ZNF43: variants seen among roughly 807,000 people sequenced by gnomAD.
ZNF43 encodes the protein zinc finger protein 39-like 1 (KOX 27).
In ZNF43, 44 loss-of-function variants were observed where a neutral mutation model predicts 68.4. The observed-to-expected ratio is 0.64, with a 90% confidence interval of 0.51 to 0.83. The LOEUF (loss-of-function observed/expected upper bound fraction) is 0.83, where lower values mean the gene tolerates loss of function less well. Among genes scored for constraint, ZNF43 ranks in the 40% least tolerant of loss-of-function variants. The pLI is 0.00. For synonymous variants in ZNF43, 308 were observed against 307.8 expected, an observed-to-expected ratio of 1.00 and a Z score of -0.01; for missense variants, 896 against 933.2, an observed-to-expected ratio of 0.96 and a Z score of 0.52.
Position 21,819,140 on chromosome 19 carries a change from A to G in ZNF43, c.85T>C (p.Tyr29His). The G allele has an allele frequency of 6.2e-7, 1 of 1,611,820 alleles. No homozygotes were observed. Among genetic ancestry groups the G allele is most frequent in the South Asian group, 1.1e-5 (1 of 90,654 alleles). Reference sequence around the variant, plus strand: ...TAGTTCTCTAACATCACATTCCTATATAAATTCTGCTGTGCAATGTCCAGG... The same window carrying G: ...TAGTTCTCTAACATCACATTCCTATGTAAATTCTGCTGTGCAATGTCCAGG... ...QCLDIAQQNL[Y>H]RNVMLENYRN... Residue 29 changes from tyrosine to histidine, a missense_variant, in exon 2 of 4, where the codon TAT becomes CAT. Tyr to His is a moderately conservative substitution (Grantham distance 83). Coordinates refer to ENST00000354959, the MANE Select transcript of ZNF43 (RefSeq NM_003423.4).
intron 1 of ZNF43, chr19:21,851,490 A>G (rs1968351906): frequency 6.6e-6 from 1 of 151,102 alleles, no homozygotes; most frequent in African/African-American, 2.5e-5. Context: ...CAGTGAGCCG[A>G]GATCGCGCCA....
chr19:21,826,283 C>A (rs557852911), intron 1 of ZNF43, among the ~76,000 whole-genome samples: 8 of 151,678 alleles, frequency 5.3e-5, no homozygotes, highest in Non-Finnish European at 1.0e-4. Flanking sequence ...TTAGTTGGCA[C>A]CTTATGTGTT....
At chr19:21,835,263 A>G (rs1020534067) in intron 1 of ZNF43, among the ~76,000 whole-genome samples, 4 of 150,518 alleles carry the variant, frequency 2.7e-5, no homozygotes, top group South Asian at 2.1e-4. Context: ...AAAAAAAAAA[A>G]AAAGAAAAAA....
At chr19:21,844,082 G>T (rs1160329089) in intron 1 of ZNF43, among the ~76,000 whole-genome samples, 11 of 152,124 alleles carry the variant, frequency 7.2e-5, no homozygotes. Context: ...TCCACTCTGA[G>T]ATCTTTGTGA....
intron 1 of ZNF43, among the ~76,000 whole-genome samples, chr19:21,850,320 C>T (rs2136890): frequency 0.09 from 13,670 of 151,986 alleles, 876 homozygotes; most frequent in South Asian, 0.21. Flanking sequence ...CCCAGCACTT[C>T]GGGAGGCCGA....
At chr19:21,829,173 G>A (rs1264163630) in intron 1 of ZNF43, among the ~76,000 whole-genome samples, 3 of 150,674 alleles carry the variant, frequency 2.0e-5, no homozygotes, top group Admixed American at 1.3e-4. Flanking sequence ...ACAGTGAACC[G>A]AGATCGTGCC....
chr19:21,812,094 A>G (rs1486643850), intron 3 of ZNF43: 6 of 397,420 alleles, frequency 1.5e-5, no homozygotes, highest in African/African-American at 1.0e-4. Flanking sequence ...ATCACATGTG[A>G]TATTCCTTAA....
In ZNF43 at chr19:21,817,910, A is replaced by G. The variant is rs1467538474; in HGVS notation, c.207T>C (p.His69=). ...TACCTGGGGGTTTGGCTACCATTTCATGTCTCCTCATAGGCTCCCAAGGCT... is the reference window on the plus strand; with the variant it reads ...TACCTGGGGGTTTGGCTACCATTTCGTGTCTCCTCATAGGCTCCCAAGGCT... ...EKEPWEPMRR[H]EMVAKPPVMC... Residue 69 remains histidine, a synonymous_variant, in exon 3 of 4, where the codon CAT becomes CAC. Transcript: ENST00000354959. The G allele has an allele frequency of 2.5e-6, 4 of 1,612,990 alleles. No individual in the cohort carries two copies. The highest frequency in any genetic ancestry group is 1.1e-5 in the South Asian group (1 of 91,056).
intron 1 of ZNF43, among the ~76,000 whole-genome samples, chr19:21,828,811 A>T (rs1194675003): frequency 1.3e-5 from 2 of 151,156 alleles, no homozygotes; most frequent in Admixed American, 6.6e-5. Flanking sequence ...CAGCGAGCAG[A>T]TCACGAGGTC....
upstream of ZNF43, chr19:21,839,504 AGAG>A (rs1043403700): frequency 2.6e-5 from 4 of 152,182 alleles, no homozygotes; most frequent in Non-Finnish European, 5.9e-5. Flanking sequence ...CCCAGGAATA[AGAG>A]GAGTCACATC....
At chr19:21,846,752 C>T (rs1273470084) in intron 1 of ZNF43, among the ~76,000 whole-genome samples, 2 of 152,128 alleles carry the variant, frequency 1.3e-5, no homozygotes, top group Non-Finnish European at 1.5e-5. Context: ...AAGCAGAAAC[C>T]AGGTAAGACA....
intron 1 of ZNF43, among the ~76,000 whole-genome samples, chr19:21,829,832 C>CA (rs1401496913): frequency 2.6e-5 from 4 of 151,600 alleles, no homozygotes; most frequent in South Asian, 2.1e-4. Context: ...TCTCAAAAAA[C>CA]AAAAAAACAC....
chr19:21,807,810 A>C lies in ZNF43; in HGVS notation c.2227T>G (p.Phe743Val). 1 of 1,613,452 alleles carries C rather than the reference A, an allele frequency of 6.2e-7. No individual in the cohort carries two copies. The highest frequency in any genetic ancestry group is 8.5e-7 in the Non-Finnish European group (1 of 1,179,686). ...PYKCEECGKA[F>V]NYSSHLNTHK... is the part of the protein sequence containing the mutation. Reference sequence around the variant, plus strand: ...GTATTAAGGTGTGAGGAATAGTTAAATGCTTTGCCACATTCTTCACATTTG... The same window carrying C: ...GTATTAAGGTGTGAGGAATAGTTAACTGCTTTGCCACATTCTTCACATTTG... The change falls in exon 4 of 4, where the codon TTT (phenylalanine) becomes GTT (valine). Residue 743 changes from phenylalanine (F) to valine (V), a missense_variant. Coordinates refer to ENST00000354959, the MANE Select transcript of ZNF43 (RefSeq NM_003423.4).
chr19:21,810,660 G>A (rs2037229428), intron 3 of ZNF43, among the ~76,000 whole-genome samples: 1 of 152,108 alleles, frequency 6.6e-6, no homozygotes, highest in Non-Finnish European at 1.5e-5. Context: ...TTAAATTTAA[G>A]AATACCAGCT....
At chr19:21,817,755 A>G in intron 3 of ZNF43, 133 bp downstream of exon 3, 1 of 942,126 alleles carries the variant, frequency 1.1e-6, no homozygotes, top group East Asian at 2.6e-5. Flanking sequence ...AAGCAAAATG[A>G]AAAAACTCAG....
chr19:21,842,108 C>T (rs2145393474), intron 1 of ZNF43, among the ~76,000 whole-genome samples: 1 of 152,060 alleles, frequency 6.6e-6, no homozygotes, highest in East Asian at 2.0e-4. Flanking sequence ...GTGCTAGGCC[C>T]AGTGAAAAAT....
intron 1 of ZNF43, among the ~76,000 whole-genome samples, chr19:21,849,510 A>G (rs1227011979): frequency 6.8e-6 from 1 of 147,746 alleles, no homozygotes; most frequent in African/African-American, 2.6e-5. Context: ...AAAAAAAAAA[A>G]AAAAAGTGGT....
At chr19:21,848,025 G>T (rs1401977148) in intron 1 of ZNF43, among the ~76,000 whole-genome samples, 23 of 151,492 alleles carry the variant, frequency 1.5e-4, no homozygotes. Flanking sequence ...TCACCATATT[G>T]ATCAGACTGG....
At position 21,808,642 on chromosome 19, in the gene ZNF43, C is replaced by A; in HGVS notation, c.1395G>T (p.Gln465His). ...TCTTATGTGTAGTAAGGTTTGAGAA[C>A]TGGTTAAAGGCTTTGCCACATACTT... is the stretch of plus-strand genomic sequence containing the variant. ...KCEVCGKAFN[Q>H]FSNLTTHKRI... Residue 465 changes from glutamine (Q) to histidine (H), a missense_variant, in exon 4 of 4, where the codon CAG becomes CAT. Gln to His is a conservative substitution (Grantham distance 24). Transcript: ENST00000354959. 2 of 1,611,952 alleles carry A rather than the reference C, an allele frequency of 1.2e-6. No individual in the cohort carries two copies. Among genetic ancestry groups the A allele is most frequent in the South Asian group, 2.2e-5 (2 of 90,940 alleles).
Sources: gnomAD v4.1 joint callset for allele counts (sites outside exome capture counted in the v4.1 genomes callset) on GRCh38, gnomAD v4.1.1 for gene constraint, MANE v1.5 for transcripts, NCBI Gene and HGNC (gene_info 2026-07-23, HGNC 2026-07-21) for gene names.